The following KANK4 variants were observed in gnomAD, a reference collection of about 807,000 sequenced individuals.
The protein encoded by KANK4 is KN motif and ankyrin repeat domain-containing protein 4.
In KANK4, 50 loss-of-function variants were observed where a neutral mutation model predicts 80.8. The observed-to-expected ratio is 0.62, with a 90% CI of 0.49 to 0.78. The LOEUF is 0.78. Among genes scored for constraint, KANK4 ranks in the 30% least tolerant of loss-of-function variants. The pLI, the probability that KANK4 is intolerant of heterozygous loss-of-function variation, is 0.00. For missense variants in KANK4, 1,196 were observed against 1,240.1 expected (o/e 0.96, Z 0.53); for synonymous variants, 465 against 506.9 (o/e 0.92, Z 1.11).
intron 2 of KANK4, among the ~76,000 whole-genome samples, chr1:62,280,517 A>G (rs1672429770): frequency 6.6e-6 from 1 of 152,204 alleles, no homozygotes; most frequent in South Asian, 2.1e-4. Context: ...GGCGGGAACT[A>G]ATGTCAGGTC....
At chr1:62,291,547 C>A (rs769346094) in intron 1 of KANK4, among the ~76,000 whole-genome samples, 2 of 152,176 alleles carry the variant, frequency 1.3e-5, no homozygotes, top group South Asian at 4.1e-4. Context: ...GCTCTGCAAT[C>A]CTCTCACCTC....
intron 1 of KANK4, among the ~76,000 whole-genome samples, chr1:62,289,739 G>A (rs898316243): frequency 1.3e-5 from 2 of 152,150 alleles, no homozygotes; most frequent in African/African-American, 4.8e-5. Context: ...AAATTATTTG[G>A]GGGGAAAGAG....
chr1:62,260,737 G>A (rs1158284559), intron 7 of KANK4, among the ~76,000 whole-genome samples: 1 of 152,132 alleles, frequency 6.6e-6, no homozygotes, highest in Non-Finnish European at 1.5e-5. Flanking sequence ...TGACACAGTT[G>A]ACAATCTTTG....
intron 8 of KANK4, among the ~76,000 whole-genome samples, chr1:62,250,353 C>T (rs1244784918): frequency 1.3e-5 from 2 of 152,252 alleles, no homozygotes; most frequent in African/African-American, 4.8e-5. Flanking sequence ...CTGCCTGATG[C>T]AGGGCCCCTT....
intron 8 of KANK4, among the ~76,000 whole-genome samples, chr1:62,249,557 T>TG (rs1369528656): frequency 1.3e-5 from 2 of 151,276 alleles, no homozygotes; most frequent in Non-Finnish European, 2.9e-5. Flanking sequence ...TTTTTTTTTT[T>TG]TTTGAGATGG....
In KANK4 at chr1:62,274,813, C is replaced by T; in HGVS notation, c.291G>A (p.Arg97=). The change falls in exon 3 of 10, where the codon AGG becomes AGA. Residue 97 remains arginine (R), a synonymous_variant. Coordinates refer to ENST00000371153, the MANE Select transcript of KANK4 (RefSeq NM_181712.5). Reference sequence around the variant, plus strand: ...GCTCCTGTGTCCCAAGTGATGCCTCCCTTGGCACCACGGGAGACCAGTTTT... The same window carrying T: ...GCTCCTGTGTCCCAAGTGATGCCTCTCTTGGCACCACGGGAGACCAGTTTT... The part of the protein sequence containing the change: ...PLQNWSPVVP[R]EASLGTQEQN... The T allele has an allele frequency of 1.9e-6, 3 of 1,614,132 alleles. No homozygotes were observed. Among genetic ancestry groups the T allele is most frequent in the South Asian group, 1.1e-5 (1 of 91,080 alleles).
chr1:62,300,844 C>A (rs1644406049), intron 1 of KANK4, among the ~76,000 whole-genome samples: 1 of 152,028 alleles, frequency 6.6e-6, no homozygotes, highest in African/African-American at 2.4e-5. Flanking sequence ...CAACTGACTT[C>A]AAGAGGGAAA....
intron 1 of KANK4, among the ~76,000 whole-genome samples, chr1:62,317,500 GA>G (rs1378612961): frequency 6.6e-6 from 1 of 152,194 alleles, no homozygotes; most frequent in African/African-American, 2.4e-5. Flanking sequence ...GTTCAGAAAG[GA>G]AGGCACTGAC....
chr1:62,290,186 T>C (rs903182253), intron 1 of KANK4, among the ~76,000 whole-genome samples: 1 of 152,250 alleles, frequency 6.6e-6, no homozygotes, highest in Non-Finnish European at 1.5e-5. Flanking sequence ...TTTAAAAGTA[T>C]AGTTTTACCT....
chr1:62,265,047 T>C (rs1425464157), intron 6 of KANK4, among the ~76,000 whole-genome samples: 1 of 152,200 alleles, frequency 6.6e-6, no homozygotes, highest in East Asian at 1.9e-4. Context: ...GCCAGCCTGG[T>C]CTTGAACTCC....
In KANK4 at chr1:62,251,560, A is replaced by G. The variant is rs1671618067; in HGVS notation, c.2682+1507T>C. Reference sequence around the variant, plus strand: ...GTCTAACTCAAAGCCCTTCTGGGTAAGGACCACACCCCCACCCTGTGTTCT... The same window carrying G: ...GTCTAACTCAAAGCCCTTCTGGGTAGGGACCACACCCCCACCCTGTGTTCT... On this transcript the variant is annotated intron_variant, in intron 8 of 9. Coordinates refer to ENST00000371153, the MANE Select transcript of KANK4 (RefSeq NM_181712.5). Among the ~76,000 whole-genome samples, 3 of 152,132 alleles carry G rather than the reference A, an allele frequency of 2.0e-5. No individual in the cohort carries two copies. The South Asian group carries it at 6.2e-4, about 32-fold the overall frequency.
intron 1 of KANK4, among the ~76,000 whole-genome samples, chr1:62,301,183 G>T (rs1644408883): frequency 6.6e-6 from 1 of 152,048 alleles, no homozygotes. Context: ...GACTTACGGA[G>T]CACAAGAGCT....
chr1:62,274,691 C>T lies in KANK4; in HGVS notation c.413G>A (p.Arg138Lys). 2 of 1,614,210 alleles carry T rather than the reference C, an allele frequency of 1.2e-6. No individual in the cohort carries two copies. Among genetic ancestry groups the T allele is most frequent in the African/African-American group, 1.3e-5 (1 of 75,054 alleles). Residue 138 changes from arginine to lysine, a missense_variant, in exon 3 of 10, where the codon AGA (arginine) becomes AAA (lysine). Physicochemically the swap from Arg to Lys is conservative, Grantham distance 26. This residue lies in a region of KANK4 where 1,154 missense variants were observed against 1,179.6 expected (regional missense o/e 0.98). Coordinates refer to ENST00000371153, the MANE Select transcript of KANK4 (RefSeq NM_181712.5). ...HRKALLAEATRQLEAAEPEDA... is the reference protein window; with the variant it reads ...HRKALLAEATKQLEAAEPEDA... ...CTCTGGCTCAGCAGCTTCCAACTGT[C>T]TGGTGGCCTCTGCCAACAGAGCCTT... is the stretch of plus-strand genomic sequence containing the variant.
At chr1:62,317,730 C>G (rs888567655) in intron 1 of KANK4, among the ~76,000 whole-genome samples, 1 of 152,194 alleles carries the variant, frequency 6.6e-6, no homozygotes, top group Non-Finnish European at 1.5e-5. Context: ...GGTATCTAGT[C>G]CTTTCAAAGA....
chr1:62,312,072 C>T (rs887109560), intron 1 of KANK4, among the ~76,000 whole-genome samples: 8 of 151,808 alleles, frequency 5.3e-5, no homozygotes, highest in Admixed American at 3.3e-4. Flanking sequence ...TTTAAAAATG[C>T]ATAAAATAAA....
At chr1:62,291,111 C>T (rs1366715228) in intron 1 of KANK4, among the ~76,000 whole-genome samples, 1 of 152,142 alleles carries the variant, frequency 6.6e-6, no homozygotes, top group East Asian at 1.9e-4. Context: ...TAAATTATAG[C>T]CATCCTAGTA....
intron 7 of KANK4, among the ~76,000 whole-genome samples, chr1:62,259,523 C>T (rs1011320279): frequency 3.9e-5 from 6 of 152,016 alleles, no homozygotes; most frequent in African/African-American, 9.7e-5. Context: ...GCGGTTCACC[C>T]GCCTCAGCCT....
chr1:62,300,053 C>T (rs2149166032), intron 1 of KANK4, among the ~76,000 whole-genome samples: 1 of 152,240 alleles, frequency 6.6e-6, no homozygotes, highest in African/African-American at 2.4e-5. Flanking sequence ...ACAAATGCCT[C>T]CTTCACCACA....
At position 62,237,105 on chromosome 1, in the gene KANK4, G is replaced by A. The variant is rs1671220265; in HGVS notation, c.*1172C>T. 6.8e-6 allele frequency: 1 copy of A among 148,092 alleles called. No homozygotes were observed. Among genetic ancestry groups the A allele is most frequent in the South Asian group, 2.1e-4 (1 of 4,670 alleles). The allele number at this position is 148,092 out of a possible 1,614,324, so 9.2% of individuals were successfully genotyped here. A position where few individuals can be genotyped will look rare whatever the true frequency, so the allele number is the denominator to read the frequency against. ...TCCAATGTAAAGCTCATCAAACTTT[G>A]ACATTACTTCTTTTTATATAAGGGG... is the stretch of plus-strand genomic sequence containing the variant. On this transcript the variant is annotated 3_prime_UTR_variant, in exon 10 of 10. Coordinates refer to ENST00000371153, the MANE Select transcript of KANK4 (RefSeq NM_181712.5).
Sources: gnomAD v4.1 joint callset for allele counts (sites outside exome capture counted in the v4.1 genomes callset) on GRCh38, gnomAD v4.1.1 for gene constraint, gnomAD v4.1.1 regional missense constraint, MANE v1.5 for transcripts, NCBI Gene and HGNC (gene_info 2026-07-23, HGNC 2026-07-21) for gene names.